Variants in LYPD6B observed in about 807,000 individuals in gnomAD.
LYPD6B encodes LY6/PLAUR domain containing 6B.
Under a neutral mutation model 22.8 loss-of-function variants are expected in LYPD6B, and 17 were observed. The observed-to-expected ratio is 0.75, with a 90% confidence interval of 0.51 to 1.12. LYPD6B has a LOEUF of 1.12. LYPD6B is among the 50% of genes most tolerant of loss of function. The probability of loss-of-function intolerance (pLI) is 0.00; values close to 1 mark genes in which losing one functional copy is unlikely to be tolerated. For synonymous variants in LYPD6B, 106 were observed against 91.6 expected (o/e 1.16, Z -0.90); for missense variants, 221 against 258.3 (o/e 0.86, Z 0.99).
At position 149,143,380 on chromosome 2, in the gene LYPD6B, C is replaced by T. The variant is rs78331447; in HGVS notation, c.5+12427C>T. Among the ~76,000 whole-genome samples the T allele has an allele frequency of 2.5e-3, 380 of 151,184 alleles. 8 individuals are homozygous for T. In the East Asian group the frequency reaches 0.059, roughly 24 times the overall value. ...AGTTTATGATCTGGGCAGGGACCTT[C>T]GGTGAGAAATGGCAGTTCTTCTTGG... On this transcript the variant is annotated intron_variant, in intron 2 of 6. Transcript: ENST00000409642.
At chr2:149,109,800 CT>C (rs1686670270) in intron 1 of LYPD6B, among the ~76,000 whole-genome samples, 1 of 152,006 alleles carries the variant, frequency 6.6e-6, no homozygotes. Flanking sequence ...CAAACTCCGC[CT>C]CCCAGGTTCA....
At chr2:149,146,370 T>C (rs913667053) in intron 2 of LYPD6B, among the ~76,000 whole-genome samples, 22 of 151,296 alleles carry the variant, frequency 1.5e-4, no homozygotes, top group African/African-American at 5.3e-4. Flanking sequence ...AGGGGCACTG[T>C]AGGGGGGGAT....
intron 1 of LYPD6B, among the ~76,000 whole-genome samples, chr2:149,098,643 A>AAAAAAAAAAAAAAAG (rs57783804): frequency 4.6e-5 from 6 of 130,960 alleles, no homozygotes; most frequent in African/African-American, 1.2e-4. Flanking sequence ...AAAAAAAAAA[A>AAAAAAAAAAAAAAAG]AAAAAAGAAA....
chr2:149,112,156 A>C (rs1227704614), intron 1 of LYPD6B, among the ~76,000 whole-genome samples: 1 of 152,172 alleles, frequency 6.6e-6, no homozygotes, highest in Non-Finnish European at 1.5e-5. Context: ...AAAGGGGAAC[A>C]CAAAAATGGG....
In LYPD6B at chr2:149,160,808, GC is replaced by G; in HGVS notation, c.52del (p.Leu18Ter). On this transcript the variant is annotated frameshift_variant, in exon 3 of 7. Coordinates refer to ENST00000409642, the MANE Select transcript of LYPD6B (RefSeq NM_177964.5). LOFTEE classifies it high-confidence loss of function. ...AACCTTTTCACTGTTCCAGAGAGGA[GC>G]CTGACAACCACATTCTCCTTCTCAA... ...SANLFTVPERSLTTTFSFSRY... is the reference protein window; with the variant it reads ...SANLFTVPERXLTTTFSFSRY... 2 of 1,555,730 alleles carry G rather than the reference GC, an allele frequency of 1.3e-6. No homozygotes were observed. The highest frequency in any genetic ancestry group is 1.7e-6 in the Non-Finnish European group (2 of 1,148,556).
At position 149,213,129 on chromosome 2, in the gene LYPD6B, A is replaced by G. The variant is rs1277744379; in HGVS notation, c.459+7A>G. On this transcript the variant is annotated splice_region_variant and intron_variant, in intron 6 of 6. Transcript: ENST00000409642. ...CCGAGATTCTGAACATACGGTAAGGATCGTGTGTGTGTGTTATTGTCTAAA... is the reference window on the plus strand; with the variant it reads ...CCGAGATTCTGAACATACGGTAAGGGTCGTGTGTGTGTGTTATTGTCTAAA... 4 of 1,607,346 alleles carry G rather than the reference A, an allele frequency of 2.5e-6. No individual in the cohort carries two copies. In the African/African-American group the frequency reaches 4.1e-5, roughly 16 times the overall value.
chr2:149,174,707 C>T (rs1029315508), intron 3 of LYPD6B, among the ~76,000 whole-genome samples: 1 of 151,820 alleles, frequency 6.6e-6, no homozygotes, highest in African/African-American at 2.4e-5. Context: ...GTATGTTGAA[C>T]CAACCTTGCA....
intron 5 of LYPD6B, 52 bp from the exon 6 acceptor site, chr2:149,212,940 A>T (rs1693964565): frequency 6.4e-7 from 1 of 1,572,034 alleles, no homozygotes; most frequent in African/African-American, 1.4e-5. Context: ...TGTAATATGG[A>T]TATTGAAATT....
At chr2:149,092,081 T>C (rs1685678622) in intron 1 of LYPD6B, among the ~76,000 whole-genome samples, 2 of 151,890 alleles carry the variant, frequency 1.3e-5, no homozygotes, top group African/African-American at 2.4e-5. Flanking sequence ...CCTAATAGAC[T>C]GGGAGAAATG....
chr2:149,114,418 A>G (rs1686901930), intron 1 of LYPD6B, among the ~76,000 whole-genome samples: 1 of 152,220 alleles, frequency 6.6e-6, no homozygotes, highest in Non-Finnish European at 1.5e-5. Context: ...CTGCTACCCT[A>G]AAACCATATC....
chr2:149,098,006 C>T lies in LYPD6B; in HGVS notation c.-66-32877C>T, dbSNP rs116433861. Among the ~76,000 whole-genome samples the T allele has an allele frequency of 2.9e-3, 435 of 152,098 alleles. 2 individuals carry two copies. The highest frequency in any genetic ancestry group is 1.0e-2 in the African/African-American group (414 of 41,466). On this transcript the variant is annotated intron_variant, in intron 1 of 6. Transcript: ENST00000409642. The stretch of plus-strand genomic sequence containing the variant: ...AGTGAAATACTACACTTTTTTATTA[C>T]TTTGGACAGTATCTTTTAAAGATCT...
chr2:149,117,511 T>G (rs1687067168), intron 1 of LYPD6B, among the ~76,000 whole-genome samples: 1 of 152,168 alleles, frequency 6.6e-6, no homozygotes, highest in Non-Finnish European at 1.5e-5. Flanking sequence ...TCTCAAGTGA[T>G]CAGTCCACCT....
chr2:149,123,599 C>G (rs2105628632), intron 1 of LYPD6B, among the ~76,000 whole-genome samples: 1 of 152,238 alleles, frequency 6.6e-6, no homozygotes, highest in Non-Finnish European at 1.5e-5. Flanking sequence ...AAATGCTGTA[C>G]ACGCCTGTGA....
intron 1 of LYPD6B, among the ~76,000 whole-genome samples, chr2:149,049,055 C>T (rs1683433251): frequency 6.6e-6 from 1 of 152,188 alleles, no homozygotes; most frequent in Non-Finnish European, 1.5e-5. Flanking sequence ...TCAACCTTGC[C>T]TTTCACAGAG....
intron 1 of LYPD6B, among the ~76,000 whole-genome samples, chr2:149,080,866 A>C (rs77955251): frequency 7.8e-6 from 1 of 128,472 alleles, no homozygotes; most frequent in Non-Finnish European, 1.7e-5. Context: ...AAAAAAAAAA[A>C]ACCACACAAA....
intron 1 of LYPD6B, among the ~76,000 whole-genome samples, chr2:149,069,638 C>T (rs569034810): frequency 6.7e-5 from 10 of 148,194 alleles, no homozygotes; most frequent in African/African-American, 2.5e-4. Context: ...GACTTTGAAG[C>T]ATTGCCACAT....
At position 149,160,855 on chromosome 2, in the gene LYPD6B, C is replaced by G; in HGVS notation, c.77+20C>G. 4 of 1,523,792 alleles carry G rather than the reference C, an allele frequency of 2.6e-6. No individual in the cohort carries two copies. The highest frequency in any genetic ancestry group is 3.6e-6 in the Non-Finnish European group (4 of 1,122,830). 94.4% of individuals were successfully genotyped at this position (1,523,792 alleles called of 1,614,324 possible). The stretch of plus-strand genomic sequence containing the variant: ...CTCAAGGTAAGAATGGCAGCTGTTA[C>G]AACAGCCCTCGGCTTTTCATTTGGG... On this transcript the variant is annotated intron_variant, in intron 3 of 6. Transcript: ENST00000409642.
chr2:149,139,350 G>A (rs1440893536), intron 2 of LYPD6B, among the ~76,000 whole-genome samples: 1 of 152,170 alleles, frequency 6.6e-6, no homozygotes, highest in African/African-American at 2.4e-5. Context: ...AGGCCCCTTG[G>A]TAGCTTGATT....
At chr2:149,113,373 T>C (rs1254689149) in intron 1 of LYPD6B, among the ~76,000 whole-genome samples, 1 of 152,158 alleles carries the variant, frequency 6.6e-6, no homozygotes, top group Non-Finnish European at 1.5e-5. Flanking sequence ...GCTCAAAGAC[T>C]TGTGTTTTAT....
Sources: allele counts gnomAD v4.1 joint callset (sites outside exome capture counted in the v4.1 genomes callset), GRCh38; gene constraint gnomAD v4.1.1; transcripts MANE v1.5; gene names NCBI Gene and HGNC (gene_info 2026-07-23, HGNC 2026-07-21).